Variants in LYPD6B observed in about 807,000 individuals in gnomAD.
The protein encoded by LYPD6B is LY6/PLAUR domain containing 6B.
In LYPD6B, 17 loss-of-function variants were observed where a neutral mutation model predicts 22.8. That is an observed-to-expected ratio of 0.75 (90% CI 0.51 to 1.12). LYPD6B has a LOEUF of 1.12. Among genes scored for constraint, LYPD6B ranks in the 50% most tolerant of loss-of-function variants. The pLI is 0.00. For missense variants in LYPD6B, 221 were observed against 258.3 expected (o/e 0.86, Z 0.99); for synonymous variants, 106 against 91.6 (o/e 1.16, Z -0.90).
At chr2:149,071,079 G>T (rs1406307537) in intron 1 of LYPD6B, among the ~76,000 whole-genome samples, 1 of 152,208 alleles carries the variant, frequency 6.6e-6, no homozygotes, top group East Asian at 1.9e-4. Flanking sequence ...AGGGACTCCT[G>T]CGTGGCTTTG....
intron 3 of LYPD6B, 110 bp from the exon 4 acceptor site, chr2:149,205,143 G>A (rs1693424937): frequency 8.8e-7 from 1 of 1,137,264 alleles, no homozygotes; most frequent in African/African-American, 1.6e-5. Context: ...CTACACAACA[G>A]GTAGATGGTT....
At chr2:149,062,073 G>A (rs898957471) in intron 1 of LYPD6B, among the ~76,000 whole-genome samples, 5 of 151,278 alleles carry the variant, frequency 3.3e-5, no homozygotes, top group African/African-American at 4.9e-5. Flanking sequence ...CACAAACTCC[G>A]CCTTCCCGGG....
intron 1 of LYPD6B, among the ~76,000 whole-genome samples, chr2:149,082,213 G>A (rs924152771): frequency 6.6e-6 from 1 of 152,158 alleles, no homozygotes; most frequent in African/African-American, 2.4e-5. Context: ...ATCTGGTTAA[G>A]TCTTTTGAAC....
At chr2:149,155,707 G>T (rs991185802) in intron 2 of LYPD6B, among the ~76,000 whole-genome samples, 1 of 152,058 alleles carries the variant, frequency 6.6e-6, no homozygotes, top group East Asian at 1.9e-4. Context: ...ATTTTATTTT[G>T]CTCTCCCTCT....
chr2:149,114,467 A>C (rs1373828347), intron 1 of LYPD6B, among the ~76,000 whole-genome samples: 1 of 152,234 alleles, frequency 6.6e-6, no homozygotes, highest in Non-Finnish European at 1.5e-5. Flanking sequence ...TTGTACCTTA[A>C]GGCTTAACAC....
intron 3 of LYPD6B, among the ~76,000 whole-genome samples, chr2:149,179,147 T>A (rs530174333): frequency 6.6e-6 from 1 of 152,282 alleles, no homozygotes; most frequent in East Asian, 1.9e-4. Flanking sequence ...GAAGTGCTAG[T>A]CCTTCAGGAG....
chr2:149,046,725 T>C (rs755733311), intron 1 of LYPD6B, among the ~76,000 whole-genome samples: 12 of 152,152 alleles, frequency 7.9e-5, no homozygotes, highest in Admixed American at 1.3e-4. Context: ...TTAATTAGAG[T>C]CTACTTTCAA....
intron 1 of LYPD6B, among the ~76,000 whole-genome samples, chr2:149,062,804 C>CT (rs1355085772): frequency 2.0e-5 from 3 of 147,660 alleles, no homozygotes; most frequent in African/African-American, 7.5e-5. Flanking sequence ...AAAAATCTGT[C>CT]TGTATTAGTC....
At position 149,183,863 on chromosome 2, in the gene LYPD6B, G is replaced by A. The variant is rs113028958; in HGVS notation, c.78-21390G>A. On this transcript the variant is annotated intron_variant, in intron 3 of 6. Coordinates refer to ENST00000409642, the MANE Select transcript of LYPD6B (RefSeq NM_177964.5). ...TGTATGTGTATGTGTGTGTGTGTGT[G>A]TATATATATATATATATGCCTGTAT... 2.5e-3 allele frequency among the ~76,000 whole-genome samples: 376 copies of A among 148,736 alleles called. 3 individuals are homozygous for A. The highest frequency in any genetic ancestry group is 2.9e-3 in the Non-Finnish European group (197 of 67,082).
intron 1 of LYPD6B, among the ~76,000 whole-genome samples, chr2:149,100,473 C>G (rs1686148952): frequency 7.6e-6 from 1 of 132,154 alleles, no homozygotes; most frequent in African/African-American, 2.8e-5. Context: ...GTCCATTTGT[C>G]TCTGGGTATG....
intron 3 of LYPD6B, among the ~76,000 whole-genome samples, chr2:149,173,411 G>T (rs1357871223): frequency 4.9e-5 from 6 of 122,138 alleles, no homozygotes; most frequent in Non-Finnish European, 8.0e-5. Flanking sequence ...TGCCATTCCT[G>T]GCTTTGTGCC....
intron 3 of LYPD6B, among the ~76,000 whole-genome samples, chr2:149,162,856 G>A (rs1256158306): frequency 1.3e-5 from 2 of 152,000 alleles, no homozygotes; most frequent in African/African-American, 4.8e-5. Flanking sequence ...TATTAAATGT[G>A]TATGGTTAGA....
intron 2 of LYPD6B, among the ~76,000 whole-genome samples, chr2:149,142,800 G>A (rs1020039229): frequency 1.3e-5 from 2 of 152,048 alleles, no homozygotes; most frequent in African/African-American, 4.8e-5. Context: ...CACTACGCCC[G>A]GTTTCCTGCC....
intron 3 of LYPD6B, among the ~76,000 whole-genome samples, chr2:149,172,251 G>A (rs1690888006): frequency 6.6e-6 from 1 of 152,088 alleles, no homozygotes. Context: ...TAGCAGCATG[G>A]GGATAGCCAC....
At chr2:149,182,045 G>T (rs1265456560) in intron 3 of LYPD6B, among the ~76,000 whole-genome samples, 1 of 152,290 alleles carries the variant, frequency 6.6e-6, no homozygotes, top group Non-Finnish European at 1.5e-5. Context: ...TTCCTCATCT[G>T]TAAGTGGCGT....
intron 2 of LYPD6B, 182 bp downstream of exon 2, chr2:149,131,135 CT>C: frequency 3.8e-6 from 2 of 524,254 alleles, no homozygotes; most frequent in Non-Finnish European, 6.7e-6. Context: ...GTATCTTCCC[CT>C]AATCATATTG....
At chr2:149,059,144 G>C (rs1683948535) in intron 1 of LYPD6B, among the ~76,000 whole-genome samples, 1 of 152,236 alleles carries the variant, frequency 6.6e-6, no homozygotes, top group Admixed American at 6.5e-5. Flanking sequence ...AGGATTCTGA[G>C]TGAGGGTTGG....
At chr2:149,153,089 T>C (rs1175450108) in intron 2 of LYPD6B, among the ~76,000 whole-genome samples, 1 of 152,172 alleles carries the variant, frequency 6.6e-6, no homozygotes, top group Non-Finnish European at 1.5e-5. Context: ...TCCAGTGTGG[T>C]TGATAAAAGC....
chr2:149,193,354 G>C (rs950217092), intron 3 of LYPD6B, among the ~76,000 whole-genome samples: 3 of 152,106 alleles, frequency 2.0e-5, no homozygotes, highest in Non-Finnish European at 4.4e-5. Flanking sequence ...GCTAAAAGGG[G>C]CTATTTTAGG....
Sources: allele counts gnomAD v4.1 joint callset (sites outside exome capture counted in the v4.1 genomes callset), GRCh38; gene constraint gnomAD v4.1.1; transcripts MANE v1.5; gene names NCBI Gene and HGNC (gene_info 2026-07-23, HGNC 2026-07-21).